FAT4: variants seen among roughly 807,000 people sequenced by gnomAD.
The protein encoded by FAT4 is protocadherin Fat 4.
A neutral mutation model predicts 303.9 loss-of-function variants in FAT4; 84 were observed. The observed-to-expected ratio is 0.28, with a 90% CI of 0.23 to 0.33. The LOEUF is 0.33. Ranked by LOEUF, FAT4 falls within the 10% of genes least tolerant of loss-of-function variation. The pLI is 1.00. For synonymous variants in FAT4, 2,307 were observed against 2,298.8 expected, an observed-to-expected ratio of 1.00 and a Z score of -0.10; for missense variants, 6,005 against 6,146.8, an observed-to-expected ratio of 0.98 and a Z score of 0.77.
At position 125,452,104 on chromosome 4, in the gene FAT4, C is replaced by G; in HGVS notation, c.11094C>G (p.Asn3698Lys). 6.2e-7 allele frequency: 1 copy of G among 1,614,172 alleles called. No homozygotes were observed. Among genetic ancestry groups the G allele is most frequent in the African/African-American group, 1.3e-5 (1 of 75,042 alleles). ...GAGTTCACAGCACAGTCACGAGCAA[C>G]ATCCGAGTTTTCTTTGCTGGATTTT... ...NDGVHSTVTS[N>K]IRVFFAGFSN... The change falls in exon 10 of 18, where the codon AAC (asparagine) becomes AAG (lysine). Residue 3698 changes from asparagine to lysine, a missense_variant. By Grantham distance (94) the Asn-to-Lys change is moderately conservative. Transcript: ENST00000394329.
At chr4:125,333,249 T>C (rs1731453863) in intron 2 of FAT4, among the ~76,000 whole-genome samples, 1 of 152,008 alleles carries the variant, frequency 6.6e-6, no homozygotes, top group Admixed American at 6.6e-5. Context: ...GCTCTTATAC[T>C]AAACAAACAC....
chr4:125,321,396 C>G lies in FAT4; in HGVS notation c.4985C>G (p.Pro1662Arg). ...EAASPRGSEA[P>R]VEYYIVSVRC... is the part of the protein sequence containing the mutation. ...GCTAGCCCCAGAGGATCTGAGGCCC[C>G]AGTGGAGTATTATATTGTTTCAGTT... The change falls in exon 2 of 18, where the codon CCA becomes CGA. Residue 1662 changes from proline to arginine, a missense_variant. Physicochemically the swap from Pro to Arg is moderately radical, Grantham distance 103. Coordinates refer to ENST00000394329, the MANE Select transcript of FAT4 (RefSeq NM_001291303.3). 1 of 1,614,078 alleles carries G rather than the reference C, an allele frequency of 6.2e-7. No homozygotes were observed. The highest frequency in any genetic ancestry group is 8.5e-7 in the Non-Finnish European group (1 of 1,179,956).
In FAT4 at chr4:125,451,697, A is replaced by G. The variant is rs1452475812; in HGVS notation, c.10687A>G (p.Ser3563Gly). 4 of 1,613,996 alleles carry G rather than the reference A, an allele frequency of 2.5e-6. No individual in the cohort carries two copies. In the South Asian group the frequency reaches 3.3e-5, roughly 13 times the overall value. The change falls in exon 10 of 18, where the codon AGC (serine) becomes GGC (glycine). Residue 3563 changes from serine (S) to glycine (G), a missense_variant. Physicochemically the swap from Ser to Gly is moderately conservative, Grantham distance 56 (BLOSUM62 0). Transcript: ENST00000394329. ...TCCTGCCACCAGTTATTTCAGTCTG[A>G]GCACTGCTGGAGTTCTGAGCACAAC... is the stretch of plus-strand genomic sequence containing the variant. Reference protein sequence around the residue: ...TGPATSYFSLSTAGVLSTTRE... With the variant: ...TGPATSYFSLGTAGVLSTTRE...
At chr4:125,341,891 CTA>C (rs1731812110) in intron 2 of FAT4, among the ~76,000 whole-genome samples, 1 of 151,938 alleles carries the variant, frequency 6.6e-6, no homozygotes, top group South Asian at 2.1e-4. Context: ...TTTATTGAGA[CTA>C]TGTGTGGCTT....
rs763899006 is a variant in FAT4, at chr4:125,449,230, T to C, written c.8220T>C (p.His2740=). The part of the protein sequence containing the change: ...VRPLDREKVS[H]YVLTIKSSDK... ...CTTTGGACAGGGAAAAAGTATCTCA[T>C]TATGTCCTAACCATAAAATCATCAG... Residue 2740 remains histidine (H), a synonymous_variant, in exon 10 of 18, where the codon CAT becomes CAC. Coordinates refer to ENST00000394329, the MANE Select transcript of FAT4 (RefSeq NM_001291303.3). 1.6e-5 allele frequency: 26 copies of C among 1,613,844 alleles called. No individual in the cohort carries two copies. Among genetic ancestry groups the C allele is most frequent in the Non-Finnish European group, 2.0e-5 (24 of 1,179,914 alleles).
intron 2 of FAT4, among the ~76,000 whole-genome samples, chr4:125,356,190 G>T (rs2125981689): frequency 6.6e-6 from 1 of 152,066 alleles, no homozygotes; most frequent in South Asian, 2.1e-4. Flanking sequence ...CACCCTGGCT[G>T]CATTCCTCTG....
rs996425176 is a variant in FAT4 at position 125,315,412 on chromosome 4, C to G, written c.-578C>G. ...ATAGCGAGGGCAGGGGCGAGGCGCG[C>G]TAGAGTGGGCTTCTGACTGGGGCCG... On this transcript the variant is annotated 5_prime_UTR_variant, in exon 1 of 18. Coordinates refer to ENST00000394329, the MANE Select transcript of FAT4 (RefSeq NM_001291303.3). Among the ~76,000 whole-genome samples the G allele has an allele frequency of 6.6e-6, 1 of 152,180 alleles. No homozygotes were observed. The highest frequency in any genetic ancestry group is 2.4e-5 in the African/African-American group (1 of 41,454).
Position 125,479,804 on chromosome 4 carries a change from T to A in FAT4, c.12543T>A (p.Asp4181Glu), listed in dbSNP as rs1389000389. ...GCCAACATGGTGGCACATGTATGGA[T>A]TACTGGTCATGGCAGCAGTGTCATT... ...SPCQHGGTCM[D>E]YWSWQQCHCK... is the part of the protein sequence containing the mutation. The change falls in exon 15 of 18, where the codon GAT (aspartate) becomes GAA (glutamate). Residue 4181 changes from aspartate to glutamate, a missense_variant. Physicochemically the swap from Asp to Glu is conservative, Grantham distance 45 (BLOSUM62 2). Transcript: ENST00000394329. The A allele has an allele frequency of 1.2e-6, 2 of 1,606,220 alleles. No individual in the cohort carries two copies. Among genetic ancestry groups the A allele is most frequent in the East Asian group, 2.2e-5 (1 of 44,846 alleles).
intron 2 of FAT4, among the ~76,000 whole-genome samples, chr4:125,365,008 G>A (rs760523375): frequency 1.3e-5 from 2 of 152,156 alleles, no homozygotes; most frequent in Non-Finnish European, 2.9e-5. Context: ...AGTAGAGTTG[G>A]AGGTACATGC....
chr4:125,361,807 C>T (rs1396686), intron 2 of FAT4, among the ~76,000 whole-genome samples: 11,640 of 152,136 alleles, frequency 0.077, 641 homozygotes, highest in East Asian at 0.26. Flanking sequence ...TGTCTTCCTA[C>T]GTCAGTCATG....
chr4:125,377,334 A>C (rs1733371558), intron 2 of FAT4, among the ~76,000 whole-genome samples: 1 of 152,104 alleles, frequency 6.6e-6, no homozygotes, highest in Non-Finnish European at 1.5e-5. Flanking sequence ...TCTTTATCAA[A>C]AAAAAACAAA....
In FAT4 at chr4:125,481,745, T is replaced by C. The variant is rs372948727; in HGVS notation, c.12822+7T>C. 13 of 1,612,204 alleles carry C rather than the reference T, an allele frequency of 8.1e-6. No homozygotes were observed. In the East Asian group the frequency reaches 8.9e-5, roughly 11 times the overall value. Reference sequence around the variant, plus strand: ...CAATTACACTACTGTGAAGGTGAGATAAAAGCTAATGGTGACTTCATTTGA... The same window carrying C: ...CAATTACACTACTGTGAAGGTGAGACAAAAGCTAATGGTGACTTCATTTGA... On this transcript the variant is annotated splice_region_variant and intron_variant, in intron 16 of 17. Transcript: ENST00000394329.
chr4:125,328,272 C>A (rs1365824722), intron 2 of FAT4, among the ~76,000 whole-genome samples: 4 of 152,136 alleles, frequency 2.6e-5, no homozygotes, highest in African/African-American at 9.7e-5. Context: ...ATAAAATACA[C>A]ACATGTAATT....
rs756997639 is a variant in FAT4 at position 125,418,779 on chromosome 4, A to G, written c.7018+2157A>G. Among the ~76,000 whole-genome samples, 4 of 152,174 alleles carry G rather than the reference A, an allele frequency of 2.6e-5. 1 individual carries two copies. Among genetic ancestry groups the G allele is most frequent in the Admixed American group, 1.3e-4 (2 of 15,274 alleles). ...CACCTGGTATAGTAATGCAGGTACT[A>G]CTACATGGTTTAAAGGAGAATTTGC... On this transcript the variant is annotated intron_variant, in intron 7 of 17. Transcript: ENST00000394329.
intron 10 of FAT4, among the ~76,000 whole-genome samples, chr4:125,454,002 G>A (rs527982325): frequency 7.9e-5 from 12 of 152,248 alleles, no homozygotes; most frequent in African/African-American, 2.6e-4. Flanking sequence ...TAAATGTTAT[G>A]CTATTGATAA....
At chr4:125,430,057 T>C (rs1306426226) in intron 7 of FAT4, among the ~76,000 whole-genome samples, 1 of 151,720 alleles carries the variant, frequency 6.6e-6, no homozygotes, top group Non-Finnish European at 1.5e-5. Flanking sequence ...ATATACCTAA[T>C]GTAAATGATG....
In FAT4 at chr4:125,451,758, A is replaced by C. The variant is rs761927639; in HGVS notation, c.10748A>C (p.Tyr3583Ser). The C allele has an allele frequency of 1.8e-5, 29 of 1,614,086 alleles. No homozygotes were observed. The highest frequency in any genetic ancestry group is 2.3e-5 in the Non-Finnish European group (27 of 1,180,038). ...GACAGAGAGCAGATTGCAGACTTCT[A>C]TCTGTCTGTGGTTACCAAGGATTCT... ...EIDREQIADFYLSVVTKDSGV... is the reference protein window; with the variant it reads ...EIDREQIADFSLSVVTKDSGV... Residue 3583 changes from tyrosine (Y) to serine (S), a missense_variant, in exon 10 of 18, where the codon TAT becomes TCT. Transcript: ENST00000394329.
At chr4:125,365,658 A>G (rs1050911729) in intron 2 of FAT4, among the ~76,000 whole-genome samples, 1 of 152,216 alleles carries the variant, frequency 6.6e-6, no homozygotes, top group Non-Finnish European at 1.5e-5. Context: ...AAACAAGATC[A>G]TTAGCTGTAG....
At chr4:125,437,090 G>A (rs1310490227) in intron 8 of FAT4, among the ~76,000 whole-genome samples, 1 of 152,020 alleles carries the variant, frequency 6.6e-6, no homozygotes, top group Non-Finnish European at 1.5e-5. Flanking sequence ...CCTGATCTCA[G>A]GTGATCTGCC....
Sources: allele counts gnomAD v4.1 joint callset (sites outside exome capture counted in the v4.1 genomes callset), GRCh38; gene constraint gnomAD v4.1.1; transcripts MANE v1.5; gene names NCBI Gene and HGNC (gene_info 2026-07-23, HGNC 2026-07-21).